Variants in HDGF observed in about 807,000 individuals in gnomAD.
HDGF encodes the protein hepatoma-derived growth factor.
Under a neutral mutation model 30.0 loss-of-function variants are expected in HDGF, and 5 were observed. That is an observed-to-expected ratio of 0.17 (90% CI 0.09 to 0.35). HDGF has a LOEUF of 0.35. HDGF is among the 10% of genes least tolerant of loss of function. The pLI is 1.00. For missense variants in HDGF, 214 were observed against 302.8 expected, an observed-to-expected ratio of 0.71 and a Z score of 2.18; for synonymous variants, 133 against 112.7, an observed-to-expected ratio of 1.18 and a Z score of -1.14.
intron 1 of HDGF, among the ~76,000 whole-genome samples, chr1:156,761,247 T>C (rs1210984177): frequency 1.3e-5 from 2 of 149,670 alleles, no homozygotes; most frequent in Non-Finnish European, 1.5e-5. Flanking sequence ...GAGGTGGAGG[T>C]TGCAGTGAGC....
At chr1:156,757,444 C>T (rs1036727059), upstream of HDGF, among the ~76,000 whole-genome samples, 29 of 145,482 alleles carry the variant, frequency 2.0e-4, no homozygotes, top group Non-Finnish European at 3.8e-4. Context: ...CCAGCCTGGG[C>T]GACAGGGCAA....
upstream of HDGF, chr1:156,751,790 C>A: frequency 6.8e-6 from 7 of 1,029,334 alleles, no homozygotes; most frequent in Non-Finnish European, 8.5e-6. This position sits in a 1 kb window ranked among gnomAD's most constrained non-coding sequence, Gnocchi z 4.7. Context: ...CGCCCCCCAA[C>A]CTCGCGCTCC....
At chr1:156,754,511 C>T (rs1651123819), upstream of HDGF, among the ~76,000 whole-genome samples, 1 of 152,236 alleles carries the variant, frequency 6.6e-6, no homozygotes, top group Admixed American at 6.5e-5. Flanking sequence ...GCAGCTGCCC[C>T]TAACAACTAA....
At position 156,763,608 on chromosome 1, in the gene HDGF, C is replaced by T. The variant is rs1285420750; in HGVS notation, n.136+3182G>A. Among the ~76,000 whole-genome samples, 7 of 142,028 alleles carry T rather than the reference C, an allele frequency of 4.9e-5. No individual in the cohort carries two copies. The East Asian group carries it at 6.3e-4, about 13-fold the overall frequency. 93.2% of individuals were successfully genotyped at this position (142,028 alleles called of 152,430 possible). A position where few individuals can be genotyped will look rare whatever the true frequency, so the allele number is the denominator to read the frequency against. On this transcript the variant is annotated intron_variant and non_coding_transcript_variant, in intron 1 of 7. Transcript: ENST00000465180. ...AATTTCTTTTTTTTTTTTTTTGAGA[C>T]GGAGTCTTGCTCTGTTGCCCAGGCT...
rs1039957984 is a variant in HDGF, at chr1:156,742,991, C to T, written c.*458G>A. Reference sequence around the variant, plus strand: ...CCGCCCTCCTGTGCTGCCCCCACCCCGCATTTGAGGATTGCCCCTCCCAGG... The same window carrying T: ...CCGCCCTCCTGTGCTGCCCCCACCCTGCATTTGAGGATTGCCCCTCCCAGG... On this transcript the variant is annotated 3_prime_UTR_variant, in exon 6 of 6. Transcript: ENST00000357325. 37 of 158,020 alleles carry T rather than the reference C, an allele frequency of 2.3e-4. No individual in the cohort carries two copies. The highest frequency in any genetic ancestry group is 3.4e-4 in the African/African-American group (14 of 41,614). The allele number at this position is 158,020 out of a possible 1,614,324, so 9.8% of individuals were successfully genotyped here.
chr1:156,746,358 G>A (rs767727402), intron 1 of HDGF, among the ~76,000 whole-genome samples: 1 of 152,222 alleles, frequency 6.6e-6, no homozygotes, highest in Non-Finnish European at 1.5e-5. Flanking sequence ...CTAAAAGGAA[G>A]CTGCTCTGGC....
Position 156,744,172 on chromosome 1 carries a change from G to A in HDGF, c.480C>T (p.Asp160=). The A allele has an allele frequency of 6.2e-7, 1 of 1,614,126 alleles. No homozygotes were observed. Among genetic ancestry groups the A allele is most frequent in the Non-Finnish European group, 8.5e-7 (1 of 1,179,980 alleles). The change falls in exon 4 of 6, where the codon GAC becomes GAT. Residue 160 remains aspartate (D), a synonymous_variant. Coordinates refer to ENST00000357325, the MANE Select transcript of HDGF (RefSeq NM_004494.3). Reference sequence around the variant, plus strand: ...GGCAGGCAGCAGTTACCTCCAGCAAGTCCCCTGCTCTCCTCTTCAACGCTC... The same window carrying A: ...GGCAGGCAGCAGTTACCTCCAGCAAATCCCCTGCTCTCCTCTTCAACGCTC... ...EKGALKRRAG[D]LLEDSPKRPK... is the part of the protein sequence containing the mutation.
chr1:156,752,238 G>A (rs1043493739), upstream of HDGF: 3 of 1,551,696 alleles, frequency 1.9e-6, no homozygotes, highest in African/African-American at 2.7e-5. Context: ...CCGTATGGGG[G>A]GTGGCCCTGG....
At chr1:156,752,087 C>T, upstream of HDGF, 1 of 1,551,602 alleles carries the variant, frequency 6.4e-7, no homozygotes, top group Non-Finnish European at 8.7e-7. Flanking sequence ...ACGGTTTCCG[C>T]CTGCCCTCTG....
At chr1:156,752,046 C>A, upstream of HDGF, 1 of 1,551,208 alleles carries the variant, frequency 6.4e-7, no homozygotes, top group Non-Finnish European at 8.7e-7. Flanking sequence ...ACCACCGCGG[C>A]CCCAGCGCAG....
At chr1:156,743,561 G>A in intron 5 of HDGF, 91 bp downstream of exon 5, 1 of 1,565,434 alleles carries the variant, frequency 6.4e-7, no homozygotes, top group East Asian at 2.2e-5. Flanking sequence ...CCTCCCGAGA[G>A]GCTGACCACT....
chr1:156,750,924 AG>A lies in HDGF; in HGVS notation c.87+418del, dbSNP rs1324881212. Among the ~76,000 whole-genome samples, 3 of 145,948 alleles carry A rather than the reference AG, an allele frequency of 2.1e-5. No homozygotes were observed. In the South Asian group the frequency reaches 6.5e-4, roughly 32 times the overall value. ...AGGGGCGACAATCCACGAACAAACT[AG>A]GGGTCTCTAAGGGGGTCTTAAAGGG... is the stretch of plus-strand genomic sequence containing the variant. On this transcript the variant is annotated intron_variant, in intron 1 of 5. Transcript: ENST00000357325.
upstream of HDGF, among the ~76,000 whole-genome samples, chr1:156,757,240 C>T (rs1352984605): frequency 1.4e-5 from 2 of 146,808 alleles, no homozygotes; most frequent in African/African-American, 2.5e-5. Flanking sequence ...CCGAGGTAGG[C>T]GATCATGAGG....
chr1:156,748,468 C>T (rs911792589), intron 1 of HDGF, among the ~76,000 whole-genome samples: 1 of 152,154 alleles, frequency 6.6e-6, no homozygotes. Context: ...GGGGACCCCA[C>T]GGTACCCCCT....
At chr1:156,746,647 C>T (rs2102711304) in intron 1 of HDGF, among the ~76,000 whole-genome samples, 1 of 152,258 alleles carries the variant, frequency 6.6e-6, no homozygotes, top group Non-Finnish European at 1.5e-5. Context: ...AGGCAGTGGC[C>T]TCGCCAGCCT....
upstream of HDGF, chr1:156,751,954 T>G (rs973430682): frequency 4.6e-6 from 6 of 1,295,232 alleles, no homozygotes; most frequent in African/African-American, 6.0e-5. The surrounding 1 kb of genome is among the most constrained non-coding windows in gnomAD (Gnocchi z 4.7). Context: ...CCGCGGTCGG[T>G]GGGTGCCCGC....
In HDGF at chr1:156,743,764, A is replaced by T. The variant is rs1427511709; in HGVS notation, c.604T>A (p.Ser202Thr). The T allele has an allele frequency of 1.0e-5, 16 of 1,601,026 alleles. No individual in the cohort carries two copies. The South Asian group carries it at 1.0e-4, about 10-fold the overall frequency. Residue 202 changes from serine (S) to threonine (T), a missense_variant, in exon 5 of 6, where the codon TCT (serine) becomes ACT (threonine). By Grantham distance (58) the Ser-to-Thr change is moderately conservative. This residue lies in a region of HDGF where 176 missense variants were observed against 211.7 expected (regional missense o/e 0.83). Transcript: ENST00000357325. ...PMEVEKNSTP[S>T]EPGSGRGPPQ... is the part of the protein sequence containing the mutation. ...GGCCCCCGGCCAGAGCCGGGCTCAG[A>T]GGGGGTGCTATTCTTTTCCACCTCC... is the stretch of plus-strand genomic sequence containing the variant.
intron 1 of HDGF, among the ~76,000 whole-genome samples, chr1:156,762,871 T>C (rs1651274993): frequency 7.2e-6 from 1 of 138,776 alleles, no homozygotes; most frequent in African/African-American, 2.6e-5. Context: ...AAACTCCGTC[T>C]CAAAAAAAAA....
Position 156,742,527 on chromosome 1 carries a change from T to A in HDGF, c.*922A>T, listed in dbSNP as rs1259623497. Reference sequence around the variant, plus strand: ...ACAAAGGGTTAGGGGTCTTTAAAATTTTTTTTTGTAATTTTCTTTTATTAA... The same window carrying A: ...ACAAAGGGTTAGGGGTCTTTAAAATATTTTTTTGTAATTTTCTTTTATTAA... On this transcript the variant is annotated 3_prime_UTR_variant, in exon 6 of 6. Coordinates refer to ENST00000357325, the MANE Select transcript of HDGF (RefSeq NM_004494.3). The A allele has an allele frequency of 2.0e-5, 3 of 152,654 alleles. No individual in the cohort carries two copies. The highest frequency in any genetic ancestry group is 4.4e-5 in the Non-Finnish European group (3 of 68,168). 9.5% of individuals were successfully genotyped at this position (152,654 alleles called of 1,614,324 possible).
Sources: allele counts gnomAD v4.1 joint callset (sites outside exome capture counted in the v4.1 genomes callset), GRCh38; gene constraint gnomAD v4.1.1; regional missense constraint gnomAD v4.1.1; non-coding constraint Gnocchi (gnomAD v3.1); transcripts MANE v1.5; gene names NCBI Gene and HGNC (gene_info 2026-07-23, HGNC 2026-07-21).